Variants in REC114 observed in about 807,000 individuals in gnomAD.
REC114 encodes REC114 meiotic recombination protein.
REC114 carries 27 observed loss-of-function variants against 31.3 expected under a neutral mutation model. The observed-to-expected ratio is 0.86, with a 90% CI of 0.64 to 1.19. REC114 has a LOEUF of 1.19. Among genes scored for constraint, REC114 ranks in the 50% most tolerant of loss-of-function variants. The probability of loss-of-function intolerance (pLI) is 0.00; values close to 1 mark genes in which losing one functional copy is unlikely to be tolerated. For synonymous variants in REC114, 134 were observed against 127.7 expected (o/e 1.05, Z -0.33); for missense variants, 344 against 326.9 (o/e 1.05, Z -0.40).
intron 2 of REC114, among the ~76,000 whole-genome samples, chr15:73,538,605 C>T (rs749083383): frequency 4.0e-5 from 6 of 151,520 alleles, no homozygotes; most frequent in South Asian, 2.1e-4. Flanking sequence ...TACAGGCACC[C>T]GCCACCGCAC....
chr15:73,501,197 C>G (rs192583144), intron 2 of REC114, among the ~76,000 whole-genome samples: 1 of 152,246 alleles, frequency 6.6e-6, no homozygotes, highest in African/African-American at 2.4e-5. Flanking sequence ...TTTATTGCAG[C>G]ACATCTATGA....
rs557724505 is a variant in REC114 at position 73,485,337 on chromosome 15, C to A, written c.249+11416C>A. Among the ~76,000 whole-genome samples, 49 of 152,258 alleles carry A rather than the reference C, an allele frequency of 3.2e-4. 1 individual carries two copies. The South Asian group carries it at 1.0e-2, about 31-fold the overall frequency. On this transcript the variant is annotated intron_variant, in intron 2 of 5. Coordinates refer to ENST00000331090, the MANE Select transcript of REC114 (RefSeq NM_001042367.2). ...GACCTCGTGATCTGCCTGCTTCAGC[C>A]TCCCAAAGTTCTGGGATTACAGGTG...
intron 2 of REC114, among the ~76,000 whole-genome samples, chr15:73,500,235 A>G (rs1455817499): frequency 6.6e-6 from 1 of 152,030 alleles, no homozygotes; most frequent in Non-Finnish European, 1.5e-5. Context: ...CCTGTTCTCT[A>G]TGCCTAGCAT....
intron 1 of REC114, among the ~76,000 whole-genome samples, chr15:73,447,204 T>C (rs918409553): frequency 6.6e-6 from 1 of 152,052 alleles, no homozygotes; most frequent in Non-Finnish European, 1.5e-5. Context: ...TTTCATAAGA[T>C]TGTGAAGCAT....
intron 2 of REC114, among the ~76,000 whole-genome samples, chr15:73,478,944 T>A (rs1159029838): frequency 6.6e-6 from 1 of 152,208 alleles, no homozygotes; most frequent in East Asian, 1.9e-4. Flanking sequence ...GTTCTGCAGC[T>A]TTTTTGTAAA....
chr15:73,474,881 T>C (rs1893189712), intron 2 of REC114, among the ~76,000 whole-genome samples: 1 of 152,222 alleles, frequency 6.6e-6, no homozygotes, highest in South Asian at 2.1e-4. Context: ...CGCTTAAATA[T>C]AGCCTTCTCA....
Position 73,546,518 on chromosome 15 carries a change from G to A in REC114, c.334-4420G>A, listed in dbSNP as rs1199092222. 2.0e-5 allele frequency among the ~76,000 whole-genome samples: 3 copies of A among 151,646 alleles called. No individual in the cohort carries two copies. In the East Asian group the frequency reaches 5.8e-4, roughly 29 times the overall value. On this transcript the variant is annotated intron_variant, in intron 3 of 5. Coordinates refer to ENST00000331090, the MANE Select transcript of REC114 (RefSeq NM_001042367.2). ...CTCTTCAGCCATTGAAAGTAATGAGGTATACTTCTATTTTTATATATTTGA... is the reference window on the plus strand; with the variant it reads ...CTCTTCAGCCATTGAAAGTAATGAGATATACTTCTATTTTTATATATTTGA...
intron 2 of REC114, among the ~76,000 whole-genome samples, chr15:73,487,379 A>G (rs189060549): frequency 2.6e-5 from 4 of 152,346 alleles, no homozygotes; most frequent in Admixed American, 2.6e-4. Context: ...ATTTCTTTTC[A>G]GCTGTGAGCC....
intron 3 of REC114, among the ~76,000 whole-genome samples, chr15:73,544,141 A>G (rs1187239015): frequency 1.3e-5 from 2 of 152,004 alleles, no homozygotes; most frequent in African/African-American, 4.8e-5. Context: ...CATGTAAGGC[A>G]GATTCTCTTT....
chr15:73,547,179 A>T (rs1372360652), intron 3 of REC114, among the ~76,000 whole-genome samples: 1 of 152,224 alleles, frequency 6.6e-6, no homozygotes, highest in African/African-American at 2.4e-5. Flanking sequence ...AGAATGTATA[A>T]GGAGCTCAGA....
intron 1 of REC114, among the ~76,000 whole-genome samples, chr15:73,446,219 T>G (rs868663614): frequency 6.6e-6 from 1 of 152,230 alleles, no homozygotes; most frequent in Non-Finnish European, 1.5e-5. Context: ...TTTGTCTGGT[T>G]TGACTATTGG....
intron 1 of REC114, among the ~76,000 whole-genome samples, chr15:73,451,944 TA>T (rs1366308289): frequency 2.0e-5 from 3 of 152,222 alleles, no homozygotes; most frequent in Non-Finnish European, 4.4e-5. Context: ...CACTTCATGC[TA>T]AAAACTCTTA....
intron 2 of REC114, among the ~76,000 whole-genome samples, chr15:73,490,613 A>C (rs1595868417): frequency 6.6e-6 from 1 of 152,248 alleles, no homozygotes; most frequent in East Asian, 1.9e-4. Flanking sequence ...AGTTCAGAGG[A>C]TTGCTTGGGA....
intron 2 of REC114, among the ~76,000 whole-genome samples, chr15:73,481,028 TTCTG>T (rs1207392005): frequency 6.6e-6 from 1 of 152,190 alleles, no homozygotes; most frequent in African/African-American, 2.4e-5. Flanking sequence ...TTTTAGCCAT[TTCTG>T]TCTTAGTACA....
chr15:73,476,123 A>G (rs1265184456), intron 2 of REC114, among the ~76,000 whole-genome samples: 1 of 152,224 alleles, frequency 6.6e-6, no homozygotes, highest in African/African-American at 2.4e-5. Flanking sequence ...CACAATGACA[A>G]GATCACCTAA....
intron 2 of REC114, among the ~76,000 whole-genome samples, chr15:73,525,523 C>T (rs1893993579): frequency 6.6e-6 from 1 of 151,262 alleles, no homozygotes; most frequent in South Asian, 2.1e-4. Flanking sequence ...CAATTTTTTT[C>T]TATGTTGTAT....
chr15:73,476,217 C>A (rs1047893145), intron 2 of REC114, among the ~76,000 whole-genome samples: 5 of 152,160 alleles, frequency 3.3e-5, no homozygotes, highest in African/African-American at 1.2e-4. Flanking sequence ...TTTGTTTAAT[C>A]TTTTTTAAAA....
chr15:73,517,037 C>A (rs768798243), intron 2 of REC114, among the ~76,000 whole-genome samples: 11 of 152,180 alleles, frequency 7.2e-5, no homozygotes, highest in Admixed American at 7.2e-4. Flanking sequence ...GTTGAGAGAA[C>A]CTCACTAGGA....
chr15:73,532,583 T>C (rs1053980554), intron 2 of REC114, among the ~76,000 whole-genome samples: 1 of 151,860 alleles, frequency 6.6e-6, no homozygotes, highest in Non-Finnish European at 1.5e-5. Context: ...ATGGTTGAAC[T>C]AGTTTACAGT....
Sources: gnomAD v4.1 joint callset for allele counts (sites outside exome capture counted in the v4.1 genomes callset) on GRCh38, gnomAD v4.1.1 for gene constraint, MANE v1.5 for transcripts, NCBI Gene and HGNC (gene_info 2026-07-23, HGNC 2026-07-21) for gene names.